Variants in TRPM6 observed in about 807,000 individuals in gnomAD.
TRPM6 encodes transient receptor potential cation channel subfamily M member 6, also known as channel kinase 2.
TRPM6 carries 111 observed loss-of-function variants against 247.6 expected under a neutral mutation model. The observed-to-expected ratio is 0.45, with a 90% confidence interval of 0.38 to 0.52. TRPM6 has a LOEUF of 0.52. Ranked by LOEUF, TRPM6 falls within the 20% of genes least tolerant of loss-of-function variation. TRPM6 has a pLI of 0.00. For synonymous variants in TRPM6, 892 were observed against 853.8 expected (o/e 1.04, Z -0.78); for missense variants, 2,126 against 2,421.5 (o/e 0.88, Z 2.56).
chr9:74,777,762 G>A (rs531293295), intron 23 of TRPM6, among the ~76,000 whole-genome samples: 53 of 152,252 alleles, frequency 3.5e-4, no homozygotes, highest in African/African-American at 1.2e-3. Flanking sequence ...GTAGCTGCCA[G>A]GCCCGGGGAC....
At chr9:74,740,368 ATCC>A (rs1323955930) in intron 33 of TRPM6, among the ~76,000 whole-genome samples, 1 of 152,216 alleles carries the variant, frequency 6.6e-6, no homozygotes, top group African/African-American at 2.4e-5. Context: ...GCTTATTATC[ATCC>A]TCCTAAGGAG....
In TRPM6 at chr9:74,821,856, A is replaced by G; in HGVS notation, c.842-19T>C. 1 of 1,613,918 alleles carries G rather than the reference A, an allele frequency of 6.2e-7. No homozygotes were observed. Among genetic ancestry groups the G allele is most frequent in the Non-Finnish European group, 8.5e-7 (1 of 1,179,962 alleles). ...CTTGAGCCTATTCCAGACCACAAAC[A>G]ATACCACACTGTTAGAGAATCCCTA... On this transcript the variant is annotated intron_variant, in intron 7 of 38. Transcript: ENST00000360774.
chr9:74,817,809 G>C (rs1423034132), intron 9 of TRPM6, among the ~76,000 whole-genome samples: 1 of 152,024 alleles, frequency 6.6e-6, no homozygotes, highest in African/African-American at 2.4e-5. Flanking sequence ...ATTTCATATA[G>C]TAGAAGGAGC....
intron 9 of TRPM6, among the ~76,000 whole-genome samples, chr9:74,818,365 C>T (rs1166561566): frequency 3.2e-5 from 4 of 124,624 alleles, no homozygotes; most frequent in Non-Finnish European, 6.2e-5. Context: ...TGCAATGGTG[C>T]GATTTCGGCT....
chr9:74,868,972 G>A (rs987423996), intron 1 of TRPM6, among the ~76,000 whole-genome samples: 5 of 152,074 alleles, frequency 3.3e-5, no homozygotes, highest in African/African-American at 1.2e-4. Context: ...ATTAGGGAAG[G>A]GAGACAGTTT....
intron 6 of TRPM6, 94 bp downstream of exon 6, chr9:74,833,904 T>A: frequency 6.6e-7 from 1 of 1,526,042 alleles, no homozygotes; most frequent in Non-Finnish European, 9.0e-7. Context: ...ATTACATCTG[T>A]AATGTTCATT....
At chr9:74,812,195 CT>C in intron 12 of TRPM6, 103 bp downstream of exon 12, 1 of 1,484,046 alleles carries the variant, frequency 6.7e-7, no homozygotes. Flanking sequence ...CCAGCTACTT[CT>C]AATTTCCTCA....
At chr9:74,756,055 T>A (rs960162183) in intron 27 of TRPM6, among the ~76,000 whole-genome samples, 1 of 152,130 alleles carries the variant, frequency 6.6e-6, no homozygotes, top group African/African-American at 2.4e-5. Context: ...ATGCGGTAAA[T>A]TGGTAACTCA....
intron 1 of TRPM6, chr9:74,887,441 A>G (rs1831573012): frequency 1.8e-6 from 2 of 1,104,528 alleles, no homozygotes; most frequent in Non-Finnish European, 2.5e-6. Context: ...AGCTCAAGCC[A>G]CCTCCGAACT....
chr9:74,875,154 A>T, intron 1 of TRPM6: 1 of 415,430 alleles, frequency 2.4e-6, no homozygotes, highest in South Asian at 1.7e-5. Flanking sequence ...TTTTAAAACC[A>T]CCATCATCAT....
At chr9:74,738,292 C>A in intron 36 of TRPM6, 115 bp downstream of exon 36, 1 of 1,030,980 alleles carries the variant, frequency 9.7e-7, no homozygotes. Flanking sequence ...TAAATGTGCC[C>A]ACCTCCCTTC....
intron 25 of TRPM6, among the ~76,000 whole-genome samples, 192 bp downstream of exon 25, chr9:74,771,511 A>C (rs558186402): frequency 3.9e-5 from 6 of 152,352 alleles, no homozygotes; most frequent in Admixed American, 1.3e-4. Context: ...TAGTAACTAA[A>C]AGAGTGCCTG....
At chr9:74,775,849 C>G (rs1554695912) in intron 24 of TRPM6, 34 bp downstream of exon 24, 1 of 1,610,130 alleles carries the variant, frequency 6.2e-7, no homozygotes, top group Non-Finnish European at 8.5e-7. Context: ...CTACTTTTTG[C>G]TCTCTTTCTC....
intron 3 of TRPM6, among the ~76,000 whole-genome samples, chr9:74,846,294 C>A (rs188023936): frequency 6.6e-6 from 1 of 152,038 alleles, no homozygotes; most frequent in Non-Finnish European, 1.5e-5. Flanking sequence ...TTGTTTGCTT[C>A]TTTTTTTTCC....
chr9:74,863,313 C>T (rs1194277016), intron 1 of TRPM6, among the ~76,000 whole-genome samples: 2 of 152,032 alleles, frequency 1.3e-5, no homozygotes, highest in Non-Finnish European at 2.9e-5. Context: ...TCCCAAAGTG[C>T]TAGGATTACA....
chr9:74,874,672 G>A (rs1377923586), intron 1 of TRPM6, among the ~76,000 whole-genome samples: 1 of 151,996 alleles, frequency 6.6e-6, no homozygotes, highest in Non-Finnish European at 1.5e-5. Flanking sequence ...AATCATAAAA[G>A]AGGGATTAAA....
rs1160140175 is a variant in TRPM6, at chr9:74,887,832, G to A, written c.25C>T (p.Arg9Cys). 4 of 1,614,052 alleles carry A rather than the reference G, an allele frequency of 2.5e-6. No homozygotes were observed. Among genetic ancestry groups the A allele is most frequent in the African/African-American group, 1.3e-5 (1 of 75,014 alleles). ...GAGCAGCCTGAGCTTACCTGCAAGC[G>A]CTCCAAGACAGGTTGTTCTTTCATC... MKEQPVLE[R>C]LQSQKSWIKG... is the part of the protein sequence containing the mutation. Residue 9 changes from arginine (R) to cysteine (C), a missense_variant, in exon 1 of 39, where the codon CGC becomes TGC. By Grantham distance (180) the Arg-to-Cys change is radical. This residue lies in a region of TRPM6 where 1,082 missense variants were observed against 1,307.9 expected (regional missense o/e 0.83). Transcript: ENST00000360774.
intron 25 of TRPM6, among the ~76,000 whole-genome samples, chr9:74,768,174 C>T (rs962056180): frequency 3.3e-5 from 5 of 151,974 alleles, no homozygotes; most frequent in African/African-American, 1.2e-4. Flanking sequence ...TTTATGATAC[C>T]GCCTTCTTCT....
At position 74,782,809 on chromosome 9, in the gene TRPM6, C is replaced by G. The variant is rs374898461; in HGVS notation, c.2964G>C (p.Leu988=). 1.2e-6 allele frequency: 2 copies of G among 1,614,168 alleles called. No homozygotes were observed. The highest frequency in any genetic ancestry group is 1.7e-6 in the Non-Finnish European group (2 of 1,180,036). ...CCTTGCGTGCCACTCCAAAGCTCAG[C>G]AGGACTATGGCCATGATGATCACAA... ...FYIVIIMAIV[L]LSFGVARKAI... The change falls in exon 22 of 39, where the codon CTG becomes CTC. Residue 988 remains leucine (L), a synonymous_variant. Coordinates refer to ENST00000360774, the MANE Select transcript of TRPM6 (RefSeq NM_017662.5).
Sources: gnomAD v4.1 joint callset for allele counts (sites outside exome capture counted in the v4.1 genomes callset) on GRCh38, gnomAD v4.1.1 for gene constraint, gnomAD v4.1.1 regional missense constraint, MANE v1.5 for transcripts, NCBI Gene and HGNC (gene_info 2026-07-23, HGNC 2026-07-21) for gene names.